Variants in RAMP1 observed in about 807,000 individuals in gnomAD.
The protein encoded by RAMP1 is receptor activity-modifying protein 1.
A neutral mutation model predicts 8.2 loss-of-function variants in RAMP1; 7 were observed. That is an observed-to-expected ratio of 0.85 (90% CI 0.49 to 1.60). The LOEUF (loss-of-function observed/expected upper bound fraction) is 1.60, where lower values mean the gene tolerates loss of function less well. Ranked by LOEUF, RAMP1 falls within the 40% of genes most tolerant of loss-of-function variation. The pLI, the probability that RAMP1 is intolerant of heterozygous loss-of-function variation, is 0.00. For missense variants in RAMP1, 192 were observed against 202.4 expected, an observed-to-expected ratio of 0.95 and a Z score of 0.31; for synonymous variants, 92 against 84.7, an observed-to-expected ratio of 1.09 and a Z score of -0.47.
intron 2 of RAMP1, among the ~76,000 whole-genome samples, chr2:237,887,167 G>A (rs2062442842): frequency 6.6e-6 from 1 of 152,192 alleles, no homozygotes; most frequent in Admixed American, 6.5e-5. Flanking sequence ...TCCTGTGTGG[G>A]GAGGGCAGTG....
chr2:237,865,109 G>C lies in RAMP1; in HGVS notation c.52+5382G>C, dbSNP rs2062173585. ...CCAGCATGGGCAGGAGGCCAGGCAA[G>C]GATAGGAGTGGGAGGGTTCCAGGGA... On this transcript the variant is annotated intron_variant, in intron 1 of 2. Transcript: ENST00000254661. The surrounding 1 kb of genome is among the most constrained non-coding windows in gnomAD (Gnocchi z 4.2). Among the ~76,000 whole-genome samples, 1 of 152,130 alleles carries C rather than the reference G, an allele frequency of 6.6e-6. No homozygotes were observed. Among genetic ancestry groups the C allele is most frequent in the Admixed American group, 6.5e-5 (1 of 15,282 alleles).
intron 2 of RAMP1, among the ~76,000 whole-genome samples, chr2:237,898,762 C>T (rs532895534): frequency 2.0e-5 from 3 of 152,346 alleles, no homozygotes; most frequent in Non-Finnish European, 4.4e-5. Flanking sequence ...CCCCAGGGCC[C>T]GGGCTGAGGC....
At chr2:237,884,826 C>A (rs566730140) in intron 2 of RAMP1, among the ~76,000 whole-genome samples, 3 of 152,236 alleles carry the variant, frequency 2.0e-5, no homozygotes, top group African/African-American at 7.2e-5. Flanking sequence ...GCTGTCACTG[C>A]GGACCCTGCC....
intron 2 of RAMP1, among the ~76,000 whole-genome samples, chr2:237,898,758 G>A (rs1367839150): frequency 1.3e-5 from 2 of 152,210 alleles, no homozygotes; most frequent in African/African-American, 2.4e-5. Context: ...ACATCCCCAG[G>A]GCCCGGGCTG....
chr2:237,889,190 A>G (rs114818815), intron 2 of RAMP1, among the ~76,000 whole-genome samples: 1,641 of 152,306 alleles, frequency 0.011, 36 homozygotes, highest in African/African-American at 0.037. Flanking sequence ...CTGTGAACAC[A>G]TGGATGCTCC....
intron 1 of RAMP1, among the ~76,000 whole-genome samples, chr2:237,860,801 G>A (rs1183577329): frequency 6.6e-6 from 1 of 152,154 alleles, no homozygotes; most frequent in Non-Finnish European, 1.5e-5. Flanking sequence ...TGGGGGAGTG[G>A]TTCGTGGCCC....
At chr2:237,893,970 CTTT>C (rs71039788) in intron 2 of RAMP1, among the ~76,000 whole-genome samples, 2 of 104,156 alleles carry the variant, frequency 1.9e-5, no homozygotes, top group African/African-American at 7.8e-5. Context: ...AAAATACTTT[CTTT>C]TTTTTTTTTT....
intron 2 of RAMP1, among the ~76,000 whole-genome samples, chr2:237,894,602 G>A (rs906175795): frequency 3.9e-5 from 6 of 152,180 alleles, no homozygotes; most frequent in Non-Finnish European, 5.9e-5. Flanking sequence ...TAGGGGGTGA[G>A]ACCCCCCTGC....
At chr2:237,910,757 T>C (rs1195010674) in intron 2 of RAMP1, among the ~76,000 whole-genome samples, 1 of 114,572 alleles carries the variant, frequency 8.7e-6, no homozygotes, top group Non-Finnish European at 2.1e-5. Flanking sequence ...CAGAAAATAG[T>C]CACACACACA....
Position 237,877,696 on chromosome 2 carries a change from G to T in RAMP1, c.191+334G>T, listed in dbSNP as rs2062323407. 6.6e-6 allele frequency among the ~76,000 whole-genome samples: 1 copy of T among 152,164 alleles called. No individual in the cohort carries two copies. The highest frequency in any genetic ancestry group is 2.1e-4 in the South Asian group (1 of 4,832). On this transcript the variant is annotated intron_variant, in intron 2 of 2. Transcript: ENST00000254661. This position sits in a 1 kb window ranked among gnomAD's most constrained non-coding sequence, Gnocchi z 4.4. ...TAGGGTCTCATGCCCAGGGTGGCCGGGTCTCTGACTGGAGCCTGGCTTCAG... is the reference window on the plus strand; with the variant it reads ...TAGGGTCTCATGCCCAGGGTGGCCGTGTCTCTGACTGGAGCCTGGCTTCAG...
At chr2:237,909,030 G>T (rs746846489) in intron 2 of RAMP1, among the ~76,000 whole-genome samples, 4 of 152,148 alleles carry the variant, frequency 2.6e-5, no homozygotes, top group African/African-American at 7.2e-5. Flanking sequence ...GGATACGGGG[G>T]TGAAGGGGAC....
At chr2:237,896,620 A>G (rs947073105) in intron 2 of RAMP1, among the ~76,000 whole-genome samples, 10 of 152,142 alleles carry the variant, frequency 6.6e-5, no homozygotes, top group African/African-American at 1.7e-4. Context: ...TCACGCGGGG[A>G]AACAGGTCTT....
intron 2 of RAMP1, among the ~76,000 whole-genome samples, chr2:237,910,491 TCA>T (rs2062699963): frequency 7.4e-6 from 1 of 135,354 alleles, no homozygotes; most frequent in African/African-American, 2.8e-5. Flanking sequence ...CCACACACAG[TCA>T]CACACAGAAT....
At chr2:237,883,570 C>T (rs1353313308) in intron 2 of RAMP1, among the ~76,000 whole-genome samples, 4 of 152,190 alleles carry the variant, frequency 2.6e-5, no homozygotes, top group Admixed American at 6.5e-5. Flanking sequence ...AATCCCAACA[C>T]TTTGGGAGGC....
At chr2:237,861,792 A>G (rs1274664520) in intron 1 of RAMP1, among the ~76,000 whole-genome samples, 1 of 151,754 alleles carries the variant, frequency 6.6e-6, no homozygotes, top group Non-Finnish European at 1.5e-5. Flanking sequence ...CAGAGGTTGC[A>G]GTGAGCTGAG....
At chr2:237,873,118 G>A (rs1299624402) in intron 1 of RAMP1, among the ~76,000 whole-genome samples, 1 of 152,230 alleles carries the variant, frequency 6.6e-6, no homozygotes, top group East Asian at 1.9e-4. Flanking sequence ...ACTGGCTGGT[G>A]GGAGGGGAGC....
At chr2:237,859,545 C>A (rs2062110566), upstream of RAMP1, 1 of 482,590 alleles carries the variant, frequency 2.1e-6, no homozygotes, top group Non-Finnish European at 2.7e-6. Context: ...CCGGGCCGCG[C>A]GGCCGCCGCC....
In RAMP1 at chr2:237,862,219, A is replaced by AT. The variant is rs1415552579; in HGVS notation, c.52+2493dup. Among the ~76,000 whole-genome samples the AT allele has an allele frequency of 6.6e-6, 1 of 152,226 alleles. No homozygotes were observed. The highest frequency in any genetic ancestry group is 2.4e-5 in the African/African-American group (1 of 41,466). On this transcript the variant is annotated intron_variant, in intron 1 of 2. Coordinates refer to ENST00000254661, the MANE Select transcript of RAMP1 (RefSeq NM_005855.4). This position sits in a 1 kb window ranked among gnomAD's most constrained non-coding sequence, Gnocchi z 4.0. ...TGACAGGGACATCACAGGAAATGCT[A>AT]TGTGACTGCTTCAGATTGCCATGCG...
chr2:237,884,678 C>A (rs2062409320), intron 2 of RAMP1, among the ~76,000 whole-genome samples: 1 of 152,174 alleles, frequency 6.6e-6, no homozygotes, highest in South Asian at 2.1e-4. Context: ...TTCCCAGCAT[C>A]TGAGGTCACT....
Sources: gnomAD v4.1 joint callset for allele counts (sites outside exome capture counted in the v4.1 genomes callset) on GRCh38, gnomAD v4.1.1 for gene constraint, Gnocchi (gnomAD v3.1) non-coding constraint, MANE v1.5 for transcripts, NCBI Gene and HGNC (gene_info 2026-07-23, HGNC 2026-07-21) for gene names.